SORD: variants seen among roughly 807,000 people sequenced by gnomAD.
SORD encodes the protein (R,R)-butanediol dehydrogenase.
Under a neutral mutation model 35.6 loss-of-function variants are expected in SORD, and 18 were observed. The observed-to-expected ratio is 0.51, with a 90% CI of 0.35 to 0.75. The LOEUF (loss-of-function observed/expected upper bound fraction) is 0.75, where lower values mean the gene tolerates loss of function less well. Among genes scored for constraint, SORD ranks in the 30% least tolerant of loss-of-function variants. SORD has a pLI of 0.01. For synonymous variants in SORD, 106 were observed against 152.9 expected, an observed-to-expected ratio of 0.69 and a Z score of 2.26; for missense variants, 250 against 390.2, an observed-to-expected ratio of 0.64 and a Z score of 3.03.
At chr15:45,030,849 A>G (rs1370110286) in intron 1 of SORD, among the ~76,000 whole-genome samples, 1 of 152,240 alleles carries the variant, frequency 6.6e-6, no homozygotes, top group African/African-American at 2.4e-5. Flanking sequence ...GCAGGAGGTG[A>G]TGCCTGAGCA....
intron 1 of SORD, among the ~76,000 whole-genome samples, chr15:45,029,319 T>G (rs192475958): frequency 6.6e-6 from 1 of 152,384 alleles, no homozygotes; most frequent in Admixed American, 6.5e-5. Flanking sequence ...GGCACAAAGG[T>G]AGCATTTTCC....
At chr15:45,062,295 C>T (rs1426839581) in intron 4 of SORD, among the ~76,000 whole-genome samples, 2 of 152,130 alleles carry the variant, frequency 1.3e-5, no homozygotes, top group African/African-American at 4.8e-5. Flanking sequence ...GTGCCCACTC[C>T]CCTACCCTAC....
intron 3 of SORD, among the ~76,000 whole-genome samples, chr15:45,051,351 C>T (rs1893120839): frequency 6.6e-6 from 1 of 152,118 alleles, no homozygotes. Context: ...CTTTGGCAAT[C>T]CCACGTAACT....
rs758133814 is a variant in SORD, at chr15:45,061,261, C to G, written c.425+35C>G. On this transcript the variant is annotated intron_variant, in intron 4 of 8. Transcript: ENST00000267814. ...CACAGTCCCACTGGGTCACCTGGGA[C>G]CTCTTTCCCTTCATTAGCTTGGTGC... 2.5e-6 allele frequency: 4 copies of G among 1,606,908 alleles called. No homozygotes were observed. The Admixed American group carries it at 6.7e-5, about 27-fold the overall frequency.
intron 1 of SORD, among the ~76,000 whole-genome samples, chr15:45,038,964 C>T (rs978969785): frequency 7.2e-5 from 11 of 152,300 alleles, no homozygotes; most frequent in Admixed American, 2.0e-4. Context: ...TACAGTAGGG[C>T]ACAGTGGAAG....
chr15:45,026,983 C>T (rs78032427), intron 1 of SORD, among the ~76,000 whole-genome samples: 4 of 152,160 alleles, frequency 2.6e-5, no homozygotes, highest in Admixed American at 2.0e-4. Context: ...TATGGCTGCA[C>T]GGAACAAAAA....
In SORD at chr15:45,075,363, G is replaced by A. The variant is rs1595512323; in HGVS notation, c.*1833G>A. The A allele has an allele frequency of 7.4e-6, 1 of 134,616 alleles. No homozygotes were observed. Among genetic ancestry groups the A allele is most frequent in the East Asian group, 2.0e-4 (1 of 5,110 alleles). 8.3% of individuals were successfully genotyped at this position (134,616 alleles called of 1,614,324 possible). On this transcript the variant is annotated 3_prime_UTR_variant, in exon 9 of 9. Coordinates refer to ENST00000267814, the MANE Select transcript of SORD (RefSeq NM_003104.6). ...GCCCCCTTTCAGGTGCCCAGAGAAG[G>A]AGCTCCAGTGTCTGCTTCAGCCAGG...
intron 1 of SORD, among the ~76,000 whole-genome samples, chr15:45,027,949 A>G (rs1892704356): frequency 6.6e-6 from 1 of 152,256 alleles, no homozygotes; most frequent in African/African-American, 2.4e-5. Context: ...AACTGTCCAC[A>G]ATGAAGGGCC....
Position 45,023,342 on chromosome 15 carries a change from T to C in SORD, c.59T>C (p.Leu20Ser). 1.3e-6 allele frequency: 2 copies of C among 1,577,520 alleles called. No homozygotes were observed. Among genetic ancestry groups the C allele is most frequent in the Non-Finnish European group, 1.7e-6 (2 of 1,162,892 alleles). The stretch of plus-strand genomic sequence containing the variant: ...CTGGTGGTGCACGGACCGGGGGACT[T>C]GCGCCTGGTAAGCTGGGAAGGAGGG... ...LSLVVHGPGD[L>S]RLENYPIPEP... Residue 20 changes from leucine to serine, a missense_variant, in exon 1 of 9, where the codon TTG becomes TCG. Physicochemically the swap from Leu to Ser is moderately radical, Grantham distance 145. Transcript: ENST00000267814.
At chr15:45,066,045 A>T (rs1369184684) in intron 5 of SORD, among the ~76,000 whole-genome samples, 1 of 152,020 alleles carries the variant, frequency 6.6e-6, no homozygotes, top group East Asian at 1.9e-4. Flanking sequence ...AAAGTTCAAG[A>T]CCAGCCTGGC....
Position 45,054,640 on chromosome 15 carries a change from T to C in SORD, c.266-6427T>C, listed in dbSNP as rs866124576. On this transcript the variant is annotated intron_variant, in intron 3 of 8. Transcript: ENST00000267814. The stretch of plus-strand genomic sequence containing the variant: ...AGTTTCTTTTGCTGTGCAGAAGCTC[T>C]TTAGTTTAATTAGATCCCATTTGTC... Among the ~76,000 whole-genome samples, 21 of 152,282 alleles carry C rather than the reference T, an allele frequency of 1.4e-4. 3 individuals carry two copies. Among genetic ancestry groups the C allele is most frequent in the African/African-American group, 4.8e-4 (20 of 41,584 alleles).
intron 1 of SORD, among the ~76,000 whole-genome samples, chr15:45,038,132 C>CTTCCTTCTTTCCTTCT (rs1310051176): frequency 4.7e-5 from 2 of 42,270 alleles, no homozygotes; most frequent in East Asian, 7.3e-4. Flanking sequence ...TCCTCCCTTC[C>CTTCCTTCTTTCCTTCT]TTCCTTCCTT....
chr15:45,028,787 C>T (rs931191267), intron 1 of SORD, among the ~76,000 whole-genome samples: 1 of 146,214 alleles, frequency 6.8e-6, no homozygotes, highest in African/African-American at 2.7e-5. Context: ...TTTTTAAATA[C>T]TCTTATTTAT....
chr15:45,049,293 C>T (rs892677366), intron 3 of SORD, among the ~76,000 whole-genome samples: 4 of 151,966 alleles, frequency 2.6e-5, no homozygotes, highest in African/African-American at 7.2e-5. Flanking sequence ...GGAGGTAGGG[C>T]GATAATCTCT....
At position 45,042,513 on chromosome 15, in the gene SORD, A is replaced by T. The variant is rs1271005110; in HGVS notation, c.101-744A>T. On this transcript the variant is annotated intron_variant, in intron 2 of 8. Transcript: ENST00000267814. The stretch of plus-strand genomic sequence containing the variant: ...TCTAAAAATAAAAAATAAATAAATA[A>T]ATAAATAAATAAATAAAGGAAAGAA... The T allele has an allele frequency of 2.6e-5, 4 of 151,700 alleles. No homozygotes were observed. The South Asian group carries it at 6.4e-4, about 24-fold the overall frequency. 9.4% of individuals were successfully genotyped at this position (151,700 alleles called of 1,614,324 possible).
rs114752833 is a variant in SORD, at chr15:45,048,893, T to C, written c.265+5472T>C. Among the ~76,000 whole-genome samples the C allele has an allele frequency of 6.5e-3, 990 of 152,324 alleles. 13 individuals are homozygous for C. Among genetic ancestry groups the C allele is most frequent in the African/African-American group, 0.023 (946 of 41,546 alleles). ...CTGCCTACGTAACTTCCCTTATCTG[T>C]GTAGCTGCGTGTGTAGCTTCCCTTA... On this transcript the variant is annotated intron_variant, in intron 3 of 8. Transcript: ENST00000267814.
chr15:45,023,275 A>C lies in SORD; in HGVS notation c.-9A>C, dbSNP rs552149546. ...CTTCCAGGCCGCACTCCAGAGCCAA[A>C]AGAGCTCCATGGCGGCGGCGGCCAA... is the stretch of plus-strand genomic sequence containing the variant. On this transcript the variant is annotated 5_prime_UTR_variant, in exon 1 of 9. Coordinates refer to ENST00000267814, the MANE Select transcript of SORD (RefSeq NM_003104.6). 12 of 1,578,298 alleles carry C rather than the reference A, an allele frequency of 7.6e-6. No homozygotes were observed. The South Asian group carries it at 1.4e-4, about 19-fold the overall frequency.
intron 3 of SORD, among the ~76,000 whole-genome samples, chr15:45,060,379 G>A (rs192280835): frequency 6.6e-6 from 1 of 152,096 alleles, no homozygotes; most frequent in Non-Finnish European, 1.5e-5. Flanking sequence ...CAATTAGAGA[G>A]CAGTTCTCAG....
intron 4 of SORD, among the ~76,000 whole-genome samples, chr15:45,063,330 C>T (rs111482155): frequency 2.6e-5 from 4 of 152,082 alleles, no homozygotes; most frequent in Admixed American, 2.6e-4. Context: ...GTTCCCTGAA[C>T]CCCATTGTAA....
Sources: allele counts gnomAD v4.1 joint callset (sites outside exome capture counted in the v4.1 genomes callset), GRCh38; gene constraint gnomAD v4.1.1; transcripts MANE v1.5; gene names NCBI Gene and HGNC (gene_info 2026-07-23, HGNC 2026-07-21).